KCNB2: variants seen among roughly 807,000 people sequenced by gnomAD.
KCNB2 encodes the protein potassium voltage-gated channel subfamily B member 2, also known as delayed rectifier potassium channel protein.
A neutral mutation model predicts 61.5 loss-of-function variants in KCNB2; 15 were observed. The ratio of observed to expected loss-of-function variants is 0.24; its 90% CI spans 0.16 to 0.38. KCNB2 has a LOEUF of 0.38. Ranked by LOEUF, KCNB2 falls within the 10% of genes least tolerant of loss-of-function variation. The probability of loss-of-function intolerance (pLI) is 1.00; values close to 1 mark genes in which losing one functional copy is unlikely to be tolerated. For synonymous variants in KCNB2, 457 were observed against 446.0 expected (o/e 1.02, Z -0.31); for missense variants, 828 against 1,125.2 (o/e 0.74, Z 3.78).
intron 1 of KCNB2, among the ~76,000 whole-genome samples, chr8:72,562,689 CATA>C (rs1806556514): frequency 6.6e-6 from 1 of 151,820 alleles, no homozygotes; most frequent in Non-Finnish European, 1.5e-5. Flanking sequence ...TTCACAGTTG[CATA>C]ATATCTACAC....
intron 2 of KCNB2, among the ~76,000 whole-genome samples, chr8:72,614,345 G>A (rs1805585198): frequency 6.6e-6 from 1 of 152,136 alleles, no homozygotes; most frequent in African/African-American, 2.4e-5. Context: ...ATCCTAAAGG[G>A]TCAATGCATG....
intron 2 of KCNB2, among the ~76,000 whole-genome samples, chr8:72,872,637 G>C (rs994282984): frequency 6.6e-6 from 1 of 152,166 alleles, no homozygotes; most frequent in Non-Finnish European, 1.5e-5. Context: ...CAGTTAATGA[G>C]AGCAAGATAT....
intron 2 of KCNB2, among the ~76,000 whole-genome samples, chr8:72,858,276 G>A (rs1330093433): frequency 2.0e-5 from 3 of 151,976 alleles, no homozygotes; most frequent in Admixed American, 2.0e-4. Context: ...TCATTAAAAA[G>A]TTTAACTAAA....
intron 2 of KCNB2, among the ~76,000 whole-genome samples, chr8:72,708,656 T>G (rs1245253183): frequency 2.0e-5 from 3 of 152,246 alleles, no homozygotes; most frequent in Non-Finnish European, 4.4e-5. Context: ...TTGATTTCAG[T>G]ATCTCCATGA....
intron 2 of KCNB2, among the ~76,000 whole-genome samples, chr8:72,935,310 C>G (rs1806876050): frequency 6.6e-6 from 1 of 152,144 alleles, no homozygotes; most frequent in Admixed American, 6.5e-5. Flanking sequence ...CCTTCCTGCA[C>G]TCTTTGAAGT....
chr8:72,598,176 A>G lies in KCNB2; in HGVS notation c.579+29863A>G, dbSNP rs1298433055. 2.6e-5 allele frequency among the ~76,000 whole-genome samples: 4 copies of G among 151,420 alleles called. No individual in the cohort carries two copies. The South Asian group carries it at 6.2e-4, about 24-fold the overall frequency. The stretch of plus-strand genomic sequence containing the variant: ...AGAGAATTTTAGACCAATATCCTTG[A>G]TGAACATTGATGCAAAAATCCTCAA... On this transcript the variant is annotated intron_variant, in intron 2 of 2. Coordinates refer to ENST00000523207, the MANE Select transcript of KCNB2 (RefSeq NM_004770.3).
At chr8:72,814,367 T>C (rs1237897292) in intron 2 of KCNB2, among the ~76,000 whole-genome samples, 1 of 152,232 alleles carries the variant, frequency 6.6e-6, no homozygotes, top group East Asian at 1.9e-4. Flanking sequence ...AAAAGTGAAA[T>C]TGACACGTCA....
At chr8:72,598,793 C>T (rs1167918889) in intron 2 of KCNB2, among the ~76,000 whole-genome samples, 11 of 152,172 alleles carry the variant, frequency 7.2e-5, no homozygotes, top group African/African-American at 2.7e-4. Context: ...CACAAGCATT[C>T]TTATACACCA....
chr8:72,934,710 C>T (rs1406462345), intron 2 of KCNB2, among the ~76,000 whole-genome samples: 2 of 152,170 alleles, frequency 1.3e-5, no homozygotes, highest in African/African-American at 4.8e-5. Context: ...ACCAAGGTCA[C>T]TGGCAAAGGT....
intron 2 of KCNB2, among the ~76,000 whole-genome samples, chr8:72,929,230 A>G (rs1806721605): frequency 6.6e-6 from 1 of 152,162 alleles, no homozygotes; most frequent in African/African-American, 2.4e-5. Flanking sequence ...CAAAACGTCC[A>G]TTATCTTCAA....
intron 2 of KCNB2, among the ~76,000 whole-genome samples, chr8:72,931,479 A>T (rs1341522928): frequency 6.6e-6 from 1 of 152,118 alleles, no homozygotes; most frequent in Non-Finnish European, 1.5e-5. Context: ...TTTATTGAGC[A>T]GTGGTTTGTA....
intron 2 of KCNB2, among the ~76,000 whole-genome samples, chr8:72,908,240 T>A (rs1418713793): frequency 1.3e-5 from 2 of 152,200 alleles, no homozygotes; most frequent in Non-Finnish European, 2.9e-5. Context: ...TTTTCCTTCA[T>A]CTTAAGCATC....
intron 1 of KCNB2, among the ~76,000 whole-genome samples, chr8:72,546,238 G>A (rs1042367421): frequency 7.9e-5 from 12 of 152,064 alleles, no homozygotes; most frequent in African/African-American, 1.9e-4. Flanking sequence ...AAGGTGGGCC[G>A]GGCGCAGTGG....
Position 72,936,746 on chromosome 8 carries a change from T to C in KCNB2, c.1391T>C (p.Leu464Pro), listed in dbSNP as rs1243312348. The change falls in exon 3 of 3, where the codon CTG becomes CCG. Residue 464 changes from leucine to proline, a missense_variant. Physicochemically the swap from Leu to Pro is moderately conservative, Grantham distance 98. This residue lies in a region of KCNB2 where 559 missense variants were observed against 588.4 expected (regional missense o/e 0.95). Transcript: ENST00000523207. The surrounding 1 kb of genome is among the most constrained non-coding windows in gnomAD (Gnocchi z 5.6). ...GATGCCTTCGCTCGAAGTATGGAAC[T>C]GATAGATGTGGCTGTTGAGAAGGCC... is the stretch of plus-strand genomic sequence containing the variant. ...LKDAFARSME[L>P]IDVAVEKAGE... The C allele has an allele frequency of 1.2e-6, 2 of 1,614,196 alleles. No homozygotes were observed. Among genetic ancestry groups the C allele is most frequent in the Admixed American group, 1.7e-5 (1 of 60,020 alleles).
At chr8:72,646,549 G>A (rs942759622) in intron 2 of KCNB2, among the ~76,000 whole-genome samples, 3 of 152,102 alleles carry the variant, frequency 2.0e-5, no homozygotes, top group Non-Finnish European at 4.4e-5. Context: ...GCCTTAAAAA[G>A]GAAGGAAGTG....
At chr8:72,907,399 C>G (rs1188259618) in intron 2 of KCNB2, among the ~76,000 whole-genome samples, 1 of 151,742 alleles carries the variant, frequency 6.6e-6, no homozygotes, top group Non-Finnish European at 1.5e-5. Context: ...CACACTCACA[C>G]GCACACACAA....
At chr8:72,823,753 C>CCGAGGCT (rs2129001312) in intron 2 of KCNB2, among the ~76,000 whole-genome samples, 1 of 152,280 alleles carries the variant, frequency 6.6e-6, no homozygotes, top group African/African-American at 2.4e-5. Context: ...AATGAAAAAG[C>CCGAGGCT]CGAGGCTCGA....
chr8:72,603,837 A>G (rs1376185986), intron 2 of KCNB2, among the ~76,000 whole-genome samples: 1 of 152,180 alleles, frequency 6.6e-6, no homozygotes, highest in Non-Finnish European at 1.5e-5. Context: ...TGCACAATGT[A>G]AAGAGACACA....
At chr8:72,835,363 T>C (rs760871190) in intron 2 of KCNB2, among the ~76,000 whole-genome samples, 1 of 152,068 alleles carries the variant, frequency 6.6e-6, no homozygotes, top group Non-Finnish European at 1.5e-5. Flanking sequence ...GAGAAAGCAA[T>C]AGACAACAGG....
Sources: gnomAD v4.1 joint callset for allele counts (sites outside exome capture counted in the v4.1 genomes callset) on GRCh38, gnomAD v4.1.1 for gene constraint, gnomAD v4.1.1 regional missense constraint, Gnocchi (gnomAD v3.1) non-coding constraint, MANE v1.5 for transcripts, NCBI Gene and HGNC (gene_info 2026-07-23, HGNC 2026-07-21) for gene names.